The following RSPO1 variants were observed in gnomAD, a reference collection of about 807,000 sequenced individuals.
RSPO1 encodes R-spondin 1.
In RSPO1, 18 loss-of-function variants were observed where a neutral mutation model predicts 26.0. That is an observed-to-expected ratio of 0.69 (90% confidence interval 0.48 to 1.03). The LOEUF (loss-of-function observed/expected upper bound fraction) is 1.03, where lower values mean the gene tolerates loss of function less well. Ranked by LOEUF, RSPO1 falls within the 50% of genes least tolerant of loss-of-function variation. The pLI, the probability that RSPO1 is intolerant of heterozygous loss-of-function variation, is 0.00. For synonymous variants in RSPO1, 133 were observed against 137.4 expected (o/e 0.97, Z 0.22); for missense variants, 309 against 352.3 (o/e 0.88, Z 0.98).
chr1:37,624,769 C>T (rs1368877853), intron 3 of RSPO1, among the ~76,000 whole-genome samples: 1 of 152,126 alleles, frequency 6.6e-6, no homozygotes, highest in Non-Finnish European at 1.5e-5. Flanking sequence ...GGTTTTACAC[C>T]CCATCCTATT....
At chr1:37,623,943 G>C (rs1644240781) in intron 3 of RSPO1, among the ~76,000 whole-genome samples, 1 of 151,654 alleles carries the variant, frequency 6.6e-6, no homozygotes, top group African/African-American at 2.4e-5. Flanking sequence ...TGTATCTTTA[G>C]TAGAGTTGGG....
chr1:37,612,579 G>A lies in RSPO1; in HGVS notation c.*176C>T. ...TACATGAACACACATGTGCAAGTAT[G>A]TATGGTTGTATATGTGGACAGGGGT... On this transcript the variant is annotated 3_prime_UTR_variant, in exon 7 of 7. Transcript: ENST00000356545. The A allele has an allele frequency of 2.8e-6, 2 of 704,166 alleles. No homozygotes were observed. The highest frequency in any genetic ancestry group is 5.1e-6 in the Non-Finnish European group (2 of 391,482). 43.6% of individuals were successfully genotyped at this position (704,166 alleles called of 1,614,324 possible). A position where few individuals can be genotyped will look rare whatever the true frequency, so the allele number is the denominator to read the frequency against.
intron 4 of RSPO1, 78 bp from the exon 5 acceptor site, chr1:37,614,411 C>G (rs1283357261): frequency 6.5e-7 from 1 of 1,534,088 alleles, no homozygotes; most frequent in African/African-American, 1.4e-5. Flanking sequence ...CCAATACCCT[C>G]CCTTCTGTCC....
chr1:37,612,721 C>T lies in RSPO1; in HGVS notation c.*34G>A. 1 of 1,604,156 alleles carries T rather than the reference C, an allele frequency of 6.2e-7. No homozygotes were observed. Among genetic ancestry groups the T allele is most frequent in the Non-Finnish European group, 8.5e-7 (1 of 1,178,812 alleles). On this transcript the variant is annotated 3_prime_UTR_variant, in exon 7 of 7. Transcript: ENST00000356545. ...GAATCACGCAGAGTAGCACTGAACT[C>T]TTTCTGCATGGGCCTGGAGGCTGGA...
At chr1:37,614,005 T>C in intron 5 of RSPO1, 113 bp from the exon 6 acceptor site, 3 of 1,369,074 alleles carry the variant, frequency 2.2e-6, no homozygotes, top group Non-Finnish European at 3.1e-6. Context: ...TGCCTGGACC[T>C]GAGGCTGCAG....
chr1:37,624,681 C>T (rs891450276), intron 3 of RSPO1, among the ~76,000 whole-genome samples: 1 of 152,174 alleles, frequency 6.6e-6, no homozygotes, highest in Non-Finnish European at 1.5e-5. Flanking sequence ...ATCGCTGCCC[C>T]TCCCCGCTAG....
intron 3 of RSPO1, among the ~76,000 whole-genome samples, chr1:37,619,775 TCTCA>T (rs1208075038): frequency 1.3e-5 from 2 of 151,606 alleles, no homozygotes; most frequent in South Asian, 4.2e-4. Context: ...TTTGAGACAG[TCTCA>T]CTCAGTCACC....
intron 3 of RSPO1, 44 bp downstream of exon 3, chr1:37,629,524 C>G: frequency 6.4e-7 from 1 of 1,574,708 alleles, no homozygotes; most frequent in Non-Finnish European, 8.7e-7. Flanking sequence ...TGGCCCCCTC[C>G]CATTCCCAAG....
At position 37,634,703 on chromosome 1, in the gene RSPO1, G is replaced by T. The variant is rs986981903; in HGVS notation, c.-493C>A. ...CCCGTTCCCAAGTTGCTCAATCTGC[G>T]GACGGCTCACGCCCTCGGGGCCAGC... On this transcript the variant is annotated 5_prime_UTR_variant, in exon 1 of 7. Transcript: ENST00000356545. The surrounding 1 kb of genome is among the most constrained non-coding windows in gnomAD (Gnocchi z 4.7). The T allele has an allele frequency of 1.3e-5, 2 of 152,308 alleles. No individual in the cohort carries two copies. Among genetic ancestry groups the T allele is most frequent in the Non-Finnish European group, 2.9e-5 (2 of 68,134 alleles). 9.4% of individuals were successfully genotyped at this position (152,308 alleles called of 1,614,324 possible). A position where few individuals can be genotyped will look rare whatever the true frequency, so the allele number is the denominator to read the frequency against.
In RSPO1 at chr1:37,614,275, C is replaced by T. The variant is rs1028600795; in HGVS notation, c.345G>A (p.Lys115=). ...CFSHNFCTKC[K]EGLYLHKGRC... ...GGCCCTTGTGCAGGTACAAGCCCTC[C>T]TTACACTTGGTGCAGAAGTTATGGC... The change falls in exon 5 of 7, where the codon AAG becomes AAA. Residue 115 remains lysine, a synonymous_variant. Transcript: ENST00000356545. 9 of 1,613,806 alleles carry T rather than the reference C, an allele frequency of 5.6e-6. No individual in the cohort carries two copies. Among genetic ancestry groups the T allele is most frequent in the Non-Finnish European group, 7.6e-6 (9 of 1,180,042 alleles).
chr1:37,626,924 A>G (rs1644285558), intron 3 of RSPO1, among the ~76,000 whole-genome samples: 2 of 152,026 alleles, frequency 1.3e-5, no homozygotes. Flanking sequence ...GGCTTAGTGA[A>G]CAGGAGTTCA....
rs142674276 is a variant in RSPO1 at position 37,628,558 on chromosome 1, C to T, written c.94+1010G>A. 4.0e-3 allele frequency among the ~76,000 whole-genome samples: 610 copies of T among 152,334 alleles called. 2 individuals are homozygous for T. Among genetic ancestry groups the T allele is most frequent in the African/African-American group, 0.014 (569 of 41,572 alleles). On this transcript the variant is annotated intron_variant, in intron 3 of 6. Transcript: ENST00000356545. ...CCTGTGGGTGTGGCATCTTCTCATG[C>T]GGGATGTCAAAAGACAGATGAGGAC... is the stretch of plus-strand genomic sequence containing the variant.
rs1223175878 is a variant in RSPO1 at position 37,612,522 on chromosome 1, A to ATG, written c.*231_*232dup. The ATG allele has an allele frequency of 3.6e-5, 14 of 387,766 alleles. No homozygotes were observed. The highest frequency in any genetic ancestry group is 1.5e-4 in the South Asian group (6 of 40,136). The allele number at this position is 387,766 out of a possible 1,614,324, so 24.0% of individuals were successfully genotyped here. A position where few individuals can be genotyped will look rare whatever the true frequency, so the allele number is the denominator to read the frequency against. ...CAGGTGTGTGTGTGTGTGTGTGTGTATGTGTGTGTGTGGTGTCTGTGTCTG... is the reference window on the plus strand; with the variant it reads ...CAGGTGTGTGTGTGTGTGTGTGTGTATGTGTGTGTGTGTGGTGTCTGTGTCTG... On this transcript the variant is annotated 3_prime_UTR_variant, in exon 7 of 7. Coordinates refer to ENST00000356545, the MANE Select transcript of RSPO1 (RefSeq NM_001242908.2).
chr1:37,619,039 T>C (rs1644160532), intron 3 of RSPO1, among the ~76,000 whole-genome samples: 1 of 152,084 alleles, frequency 6.6e-6, no homozygotes, highest in Non-Finnish European at 1.5e-5. Flanking sequence ...CTGGCTGACA[T>C]GGCAAAACCC....
intron 3 of RSPO1, among the ~76,000 whole-genome samples, chr1:37,623,063 G>A (rs1013411219): frequency 2.6e-5 from 4 of 152,066 alleles, no homozygotes; most frequent in African/African-American, 7.2e-5. Context: ...GCCTTGGTTA[G>A]GAGGAGGGAC....
intron 2 of RSPO1, among the ~76,000 whole-genome samples, chr1:37,630,764 G>A (rs72659429): frequency 0.038 from 5,820 of 152,246 alleles, 167 homozygotes; most frequent in Non-Finnish European, 0.059. Context: ...CCCGTCACGG[G>A]ATCACACACA....
At chr1:37,623,253 G>A (rs548520033) in intron 3 of RSPO1, among the ~76,000 whole-genome samples, 6 of 152,002 alleles carry the variant, frequency 3.9e-5, no homozygotes, top group East Asian at 3.9e-4. Flanking sequence ...GAGGGGGCTC[G>A]ACAGTAAGAA....
At chr1:37,614,092 G>T in intron 5 of RSPO1, 92 bp downstream of exon 5, 1 of 1,467,532 alleles carries the variant, frequency 6.8e-7, no homozygotes, top group Non-Finnish European at 9.4e-7. Context: ...CCTGCACAGT[G>T]CCCCAGCCCA....
rs201666418 is a variant in RSPO1, at chr1:37,621,477, C to T, written c.95-4802G>A. 2.6e-4 allele frequency among the ~76,000 whole-genome samples: 40 copies of T among 152,090 alleles called. No homozygotes were observed. In the East Asian group the frequency reaches 7.8e-3, roughly 30 times the overall value. On this transcript the variant is annotated intron_variant, in intron 3 of 6. Transcript: ENST00000356545. ...AGGGAGTAGACACACGTGAGATGGT[C>T]AGGCGGCAGGGTCAACAAGACAGGG...
Sources: allele counts gnomAD v4.1 joint callset (sites outside exome capture counted in the v4.1 genomes callset), GRCh38; gene constraint gnomAD v4.1.1; non-coding constraint Gnocchi (gnomAD v3.1); transcripts MANE v1.5; gene names NCBI Gene and HGNC (gene_info 2026-07-23, HGNC 2026-07-21).